Variants in IFRD2 observed in about 807,000 individuals in gnomAD.
IFRD2 encodes the protein interferon related developmental regulator 2.
A neutral mutation model predicts 49.2 loss-of-function variants in IFRD2; 35 were observed. The ratio of observed to expected loss-of-function variants is 0.71; its 90% confidence interval spans 0.54 to 0.94. The LOEUF (loss-of-function observed/expected upper bound fraction) is 0.94, where lower values mean the gene tolerates loss of function less well. Among genes scored for constraint, IFRD2 ranks in the 40% least tolerant of loss-of-function variants. The pLI is 0.00. For synonymous variants in IFRD2, 275 were observed against 239.7 expected, an observed-to-expected ratio of 1.15 and a Z score of -1.36; for missense variants, 561 against 591.6, an observed-to-expected ratio of 0.95 and a Z score of 0.54.
rs368874820 is a variant in IFRD2, at chr3:50,292,313, C to T, written c.-39G>A. Reference sequence around the variant, plus strand: ...CGCGGGGGGCGCGGGGTCAGGGACCCGGTGGGTGTGGGCTCCAGGCCAACG... The same window carrying T: ...CGCGGGGGGCGCGGGGTCAGGGACCTGGTGGGTGTGGGCTCCAGGCCAACG... On this transcript the variant is annotated 5_prime_UTR_variant, in exon 1 of 12. Coordinates refer to ENST00000417626, the MANE Select transcript of IFRD2 (RefSeq NM_006764.5). The T allele has an allele frequency of 3.6e-4, 569 of 1,566,182 alleles. No homozygotes were observed. Among genetic ancestry groups the T allele is most frequent in the Non-Finnish European group, 4.5e-4 (525 of 1,157,746 alleles).
intron 1 of IFRD2, among the ~76,000 whole-genome samples, chr3:50,291,377 G>A (rs1553709793): frequency 6.6e-6 from 1 of 151,936 alleles, no homozygotes; most frequent in East Asian, 1.9e-4. Flanking sequence ...ACTCCACTGC[G>A]CTGGGGTCCC....
rs1701651824 is a variant in IFRD2, at chr3:50,290,421, A to G, written c.230T>C (p.Leu77Pro). The change falls in exon 3 of 12, where the codon CTG (leucine) becomes CCG (proline). Residue 77 changes from leucine to proline, a missense_variant. Transcript: ENST00000417626. Reference protein sequence around the residue: ...QGQQEDLEEKLKEYVDCLTDK... With the variant: ...QGQQEDLEEKPKEYVDCLTDK... ...TGTGAGACAGTCCACATACTCCTTC[A>G]GCTTTTCCTCAAGGTCTTCCTGCTG... The G allele has an allele frequency of 6.3e-7, 1 of 1,579,192 alleles. No homozygotes were observed. Among genetic ancestry groups the G allele is most frequent in the Non-Finnish European group, 8.6e-7 (1 of 1,161,792 alleles).
At position 50,289,751 on chromosome 3, in the gene IFRD2, G is replaced by C; in HGVS notation, c.558C>G (p.Ala186=). Reference sequence around the variant, plus strand: ...CAGCCACGTAGCAGCCCAGGCCAAGGGCAGAAGCACACTGTTGGGAGAAGG... The same window carrying C: ...CAGCCACGTAGCAGCCCAGGCCAAGCGCAGAAGCACACTGTTGGGAGAAGG... ...SPAARLHCAS[A]LGLGCYVAAA... is the part of the protein sequence containing the mutation. Residue 186 remains alanine, a synonymous_variant, in exon 6 of 12, where the codon GCC becomes GCG. Coordinates refer to ENST00000417626, the MANE Select transcript of IFRD2 (RefSeq NM_006764.5). The C allele has an allele frequency of 6.2e-7, 1 of 1,602,694 alleles. No individual in the cohort carries two copies. Among genetic ancestry groups the C allele is most frequent in the Non-Finnish European group, 8.5e-7 (1 of 1,174,854 alleles).
intron 8 of IFRD2, 22 bp from the exon 9 acceptor site, chr3:50,288,959 G>A (rs782435061): frequency 3.1e-6 from 5 of 1,607,958 alleles, no homozygotes; most frequent in Non-Finnish European, 4.3e-6. Flanking sequence ...GCATTGGAGG[G>A]TGTGTGGTAG....
At chr3:50,288,319 G>A (rs782561246) in intron 11 of IFRD2, 48 bp from the exon 12 acceptor site, 38 of 1,605,626 alleles carry the variant, frequency 2.4e-5, no homozygotes, top group Non-Finnish European at 3.2e-5. Context: ...GGAAGGGAAA[G>A]GGCTGGGGGT....
At position 50,292,201 on chromosome 3, in the gene IFRD2, C is replaced by A; in HGVS notation, c.58+16G>T. 1 of 1,452,900 alleles carries A rather than the reference C, an allele frequency of 6.9e-7. No homozygotes were observed. 90.0% of individuals were successfully genotyped at this position (1,452,900 alleles called of 1,614,324 possible). A position where few individuals can be genotyped will look rare whatever the true frequency, so the allele number is the denominator to read the frequency against. ...CGCCGCTCATACAGCTGTCCCGCGC[C>A]CCCCACCCCACTCACCTCCTCCACG... On this transcript the variant is annotated intron_variant, in intron 1 of 11. Coordinates refer to ENST00000417626, the MANE Select transcript of IFRD2 (RefSeq NM_006764.5).
rs1553709628 is a variant in IFRD2 at position 50,290,469 on chromosome 3, C to T, written c.182G>A (p.Gly61Glu). The T allele has an allele frequency of 1.9e-6, 3 of 1,578,894 alleles. No homozygotes were observed. The highest frequency in any genetic ancestry group is 2.6e-6 in the Non-Finnish European group (3 of 1,161,282). Residue 61 changes from glycine to glutamate, a missense_variant, in exon 3 of 12, where the codon GGG (glycine) becomes GAG (glutamate). Gly to Glu is a moderately conservative substitution (Grantham distance 98, BLOSUM62 -2). Coordinates refer to ENST00000417626, the MANE Select transcript of IFRD2 (RefSeq NM_006764.5). ...LSTTAEDSLG[G>E]DVVDEQGQQE... ...CTGGCCCTGCTCATCCACGACATCC[C>T]CCCCTGCAAGGCCACCTGGTCAGCA...
At position 50,292,027 on chromosome 3, in the gene IFRD2, G is replaced by A. The variant is rs1476418094; in HGVS notation, c.58+190C>T. The A allele has an allele frequency of 1.2e-5, 7 of 607,728 alleles. No homozygotes were observed. The African/African-American group carries it at 1.4e-4, about 12-fold the overall frequency. The allele number at this position is 607,728 out of a possible 1,614,324, so 37.6% of individuals were successfully genotyped here. ...GGACTCCCAACAGGCAGTGGGCAGC[G>A]AGCTCAAGTTGGGCACGCACGTGGC... On this transcript the variant is annotated intron_variant, in intron 1 of 11. Coordinates refer to ENST00000417626, the MANE Select transcript of IFRD2 (RefSeq NM_006764.5).
rs1701656704 is a variant in IFRD2 at position 50,290,671 on chromosome 3, T to C, written c.67A>G (p.Ser23Gly). ...GGQRRGGGARSSAQADSGSSD... is the reference protein window; with the variant it reads ...GGQRRGGGARGSAQADSGSSD... ...GAACCCGAGTCAGCTTGGGCACTGC[T>C]CCGGGCACCTGGAGAAGGTGGAATA... Residue 23 changes from serine (S) to glycine (G), a missense_variant, in exon 2 of 12, where the codon AGC (serine) becomes GGC (glycine). Ser to Gly is a moderately conservative substitution (Grantham distance 56, BLOSUM62 0). Coordinates refer to ENST00000417626, the MANE Select transcript of IFRD2 (RefSeq NM_006764.5). The C allele has an allele frequency of 6.2e-7, 1 of 1,613,470 alleles. No individual in the cohort carries two copies. The highest frequency in any genetic ancestry group is 1.3e-5 in the African/African-American group (1 of 74,904).
chr3:50,289,714 G>A lies in IFRD2; in HGVS notation c.595C>T (p.Gln199Ter). The A allele has an allele frequency of 6.2e-7, 1 of 1,601,796 alleles. No individual in the cohort carries two copies. Among genetic ancestry groups the A allele is most frequent in the South Asian group, 1.1e-5 (1 of 88,640 alleles). Reference sequence around the variant, plus strand: ...ACCTGTGCCCAAAGACCCCTCACCTGGATGTCAGCGGCAGCCACGTAGCAG... The same window carrying A: ...ACCTGTGCCCAAAGACCCCTCACCTAGATGTCAGCGGCAGCCACGTAGCAG... The part of the protein sequence containing the change: ...LGCYVAAADI[Q>*]DLVSCLACLE... The change falls in exon 6 of 12, where the codon CAG becomes TAG. Residue 199 changes from glutamine to a stop codon, truncating the protein, a stop_gained and splice_region_variant. Coordinates refer to ENST00000417626, the MANE Select transcript of IFRD2 (RefSeq NM_006764.5). LOFTEE classifies it high-confidence loss of function.
In IFRD2 at chr3:50,292,355, G is replaced by A. The variant is rs1313569882; in HGVS notation, c.-81C>T. 2 of 1,568,782 alleles carry A rather than the reference G, an allele frequency of 1.3e-6. No homozygotes were observed. The highest frequency in any genetic ancestry group is 1.9e-5 in the Admixed American group (1 of 53,876). ...AGGCCAACGAGACGCCGGCCGGTGC[G>A]CTGCGCTGAGACTTGGCCAGACGAC... On this transcript the variant is annotated 5_prime_UTR_variant, in exon 1 of 12. Coordinates refer to ENST00000417626, the MANE Select transcript of IFRD2 (RefSeq NM_006764.5).
intron 1 of IFRD2, 29 bp downstream of exon 1, chr3:50,292,188 A>C: frequency 6.9e-7 from 1 of 1,445,754 alleles, no homozygotes; most frequent in Non-Finnish European, 9.1e-7. Context: ...CCGCTCATAC[A>C]GCTGTCCCGC....
chr3:50,288,805 C>T lies in IFRD2; in HGVS notation c.1018G>A (p.Val340Met), dbSNP rs782436610. ...ACATATGTTCTCACACACACCTCCA[C>T]GGAGTGCAGCACGGCGCGGAAAGTA... ...RSTFRAVLHS[V>M]EGGECEEEIV... The change falls in exon 9 of 12, where the codon GTG becomes ATG. Residue 340 changes from valine to methionine, a missense_variant. Coordinates refer to ENST00000417626, the MANE Select transcript of IFRD2 (RefSeq NM_006764.5). 5.6e-6 allele frequency: 9 copies of T among 1,613,290 alleles called. No individual in the cohort carries two copies. Among genetic ancestry groups the T allele is most frequent in the South Asian group, 2.2e-5 (2 of 90,952 alleles).
chr3:50,289,644 G>A lies in IFRD2; in HGVS notation c.598-16C>T. 6.3e-7 allele frequency: 1 copy of A among 1,598,172 alleles called. No individual in the cohort carries two copies. The highest frequency in any genetic ancestry group is 1.3e-5 in the African/African-American group (1 of 74,650). On this transcript the variant is annotated splice_polypyrimidine_tract_variant and intron_variant, in intron 6 of 11. Transcript: ENST00000417626. ...AGACCAGGTCCTAGGAGCACAGAGAGGCAGGGGAGCTCAGAGGCAGAGTTA... is the reference window on the plus strand; with the variant it reads ...AGACCAGGTCCTAGGAGCACAGAGAAGCAGGGGAGCTCAGAGGCAGAGTTA...
intron 5 of IFRD2, 35 bp from the exon 6 acceptor site, chr3:50,289,797 G>A (rs368803381): frequency 5.4e-5 from 86 of 1,590,716 alleles, no homozygotes; most frequent in Admixed American, 1.1e-4. Flanking sequence ...GCCACGGTCA[G>A]CGGGTGAACC....
At chr3:50,288,535 A>G in intron 10 of IFRD2, 31 bp from the exon 11 acceptor site, 1 of 1,613,974 alleles carries the variant, frequency 6.2e-7, no homozygotes, top group Non-Finnish European at 8.5e-7. Flanking sequence ...AGCTCAGGCC[A>G]GACTGAAGCA....
At chr3:50,291,980 G>C in intron 1 of IFRD2, 1 of 518,138 alleles carries the variant, frequency 1.9e-6, no homozygotes, top group Non-Finnish European at 3.3e-6. Context: ...GGAGGGGCTG[G>C]CCGGGTCACC....
rs895604922 is a variant in IFRD2 at position 50,292,351 on chromosome 3, G to A, written c.-77C>T. The A allele has an allele frequency of 6.4e-7, 1 of 1,567,918 alleles. No individual in the cohort carries two copies. The highest frequency in any genetic ancestry group is 8.6e-7 in the Non-Finnish European group (1 of 1,160,862). The stretch of plus-strand genomic sequence containing the variant: ...CTCCAGGCCAACGAGACGCCGGCCG[G>A]TGCGCTGCGCTGAGACTTGGCCAGA... On this transcript the variant is annotated 5_prime_UTR_variant, in exon 1 of 12. Coordinates refer to ENST00000417626, the MANE Select transcript of IFRD2 (RefSeq NM_006764.5).
In IFRD2 at chr3:50,289,494, C is replaced by CAATG; in HGVS notation, c.728_731dup (p.Leu244PhefsTer9). ...GGGTGCTAGGGCAGATGGTGAGCAG[C>CAATG]AATGCCCAGGCCTGCAGGGCAGCAG... On this transcript the variant is annotated frameshift_variant, in exon 7 of 12. Transcript: ENST00000417626. LOFTEE classifies it high-confidence loss of function. The CAATG allele has an allele frequency of 1.3e-6, 2 of 1,584,620 alleles. No homozygotes were observed. The highest frequency in any genetic ancestry group is 2.3e-5 in the South Asian group (2 of 87,100).
Sources: gnomAD v4.1 joint callset for allele counts (sites outside exome capture counted in the v4.1 genomes callset) on GRCh38, gnomAD v4.1.1 for gene constraint, MANE v1.5 for transcripts, NCBI Gene and HGNC (gene_info 2026-07-23, HGNC 2026-07-21) for gene names.